KIAA1217: variants seen among roughly 807,000 people sequenced by gnomAD.
KIAA1217 encodes KIAA1217.
Under a neutral mutation model 163.9 loss-of-function variants are expected in KIAA1217, and 88 were observed. The ratio of observed to expected loss-of-function variants is 0.54; its 90% CI spans 0.45 to 0.64. KIAA1217 has a LOEUF of 0.64. Ranked by LOEUF, KIAA1217 falls within the 30% of genes least tolerant of loss-of-function variation. KIAA1217 has a pLI of 0.00. For missense variants in KIAA1217, 2,372 were observed against 2,475.0 expected, an observed-to-expected ratio of 0.96 and a Z score of 0.88; for synonymous variants, 903 against 923.1, an observed-to-expected ratio of 0.98 and a Z score of 0.39.
intron 2 of KIAA1217, among the ~76,000 whole-genome samples, chr10:24,229,465 C>CTAA (rs2071063562): frequency 6.6e-6 from 1 of 152,130 alleles, no homozygotes; most frequent in African/African-American, 2.4e-5. Context: ...GTTGTGTGAA[C>CTAA]TAATGACTGA....
intron 2 of KIAA1217, among the ~76,000 whole-genome samples, chr10:24,067,525 C>T (rs960909447): frequency 6.6e-6 from 1 of 152,158 alleles, no homozygotes; most frequent in Non-Finnish European, 1.5e-5. Flanking sequence ...GAGGAGTACC[C>T]GGCCATGGGA....
intron 3 of KIAA1217, among the ~76,000 whole-genome samples, chr10:24,417,486 A>G (rs116194863): frequency 9.7e-4 from 148 of 152,322 alleles, no homozygotes; most frequent in African/African-American, 3.3e-3. Flanking sequence ...GCAAAGACCA[A>G]TCATTCACAG....
intron 2 of KIAA1217, among the ~76,000 whole-genome samples, chr10:24,355,328 G>A (rs534361142): frequency 2.4e-4 from 36 of 152,296 alleles, no homozygotes; most frequent in African/African-American, 8.7e-4. Context: ...CATCGACTTG[G>A]GGGCTTAAAT....
intron 2 of KIAA1217, among the ~76,000 whole-genome samples, chr10:24,244,324 G>T (rs2073490322): frequency 6.6e-6 from 1 of 152,284 alleles, no homozygotes; most frequent in Non-Finnish European, 1.5e-5. Context: ...GCTCTTTACA[G>T]CTGAGGCCCT....
intron 1 of KIAA1217, among the ~76,000 whole-genome samples, chr10:23,976,193 C>T (rs1258686416): frequency 3.3e-5 from 5 of 152,124 alleles, no homozygotes; most frequent in Non-Finnish European, 5.9e-5. Flanking sequence ...GATGAAGAAT[C>T]GAGTTGCATC....
intron 6 of KIAA1217, among the ~76,000 whole-genome samples, chr10:24,483,722 T>G (rs984302630): frequency 6.6e-6 from 1 of 152,192 alleles, no homozygotes; most frequent in Non-Finnish European, 1.5e-5. Flanking sequence ...CGTGTTCAGC[T>G]GGCCCATAAC....
chr10:24,291,766 G>GA (rs74948505), intron 2 of KIAA1217, among the ~76,000 whole-genome samples: 26 of 148,972 alleles, frequency 1.7e-4, no homozygotes, highest in Non-Finnish European at 3.0e-4. Flanking sequence ...CCGATGTGGA[G>GA]AAAAAAAAAA....
chr10:23,750,272 T>A lies in KIAA1217; in HGVS notation c.-321+55038T>A, dbSNP rs148420249. On this transcript the variant is annotated intron_variant, in intron 1 of 18. Coordinates refer to the KIAA1217 transcript ENST00000376462. ...GCATTGCCCTTAATAAAAGTCTAAA[T>A]GTTTTGTCATGGAATATGCAACCCT... Among the ~76,000 whole-genome samples the A allele has an allele frequency of 2.2e-4, 34 of 152,332 alleles. No individual in the cohort carries two copies. In the East Asian group the frequency reaches 4.6e-3, roughly 21 times the overall value.
chr10:24,245,703 C>G (rs1406091274), intron 2 of KIAA1217, among the ~76,000 whole-genome samples: 1 of 152,098 alleles, frequency 6.6e-6, no homozygotes, highest in African/African-American at 2.4e-5. Context: ...ACAATCATGT[C>G]TCACTGCAGC....
intron 5 of KIAA1217, among the ~76,000 whole-genome samples, chr10:24,441,222 C>A (rs2060473997): frequency 6.6e-6 from 1 of 152,162 alleles, no homozygotes; most frequent in Admixed American, 6.5e-5. Flanking sequence ...TGCAGTCCTG[C>A]CCCTGATGTC....
intron 1 of KIAA1217, among the ~76,000 whole-genome samples, chr10:23,793,683 A>C (rs1191426641): frequency 6.6e-6 from 1 of 152,224 alleles, no homozygotes; most frequent in Admixed American, 6.5e-5. Context: ...ATGTCCACAC[A>C]GAAGTTCGCC....
At chr10:24,347,906 A>G (rs2047990102) in intron 2 of KIAA1217, among the ~76,000 whole-genome samples, 2 of 152,242 alleles carry the variant, frequency 1.3e-5, no homozygotes, top group African/African-American at 4.8e-5. Context: ...CCATCACCAC[A>G]CATGGTTACC....
At chr10:24,347,020 A>G (rs1400782492) in intron 2 of KIAA1217, among the ~76,000 whole-genome samples, 1 of 152,192 alleles carries the variant, frequency 6.6e-6, no homozygotes, top group Non-Finnish European at 1.5e-5. Context: ...AGTGAGTGTT[A>G]AGGTATATAA....
chr10:24,464,133 A>G (rs2062702928), intron 5 of KIAA1217, among the ~76,000 whole-genome samples: 1 of 152,170 alleles, frequency 6.6e-6, no homozygotes, highest in African/African-American at 2.4e-5. Flanking sequence ...CTGGTTCATT[A>G]GCAGGTACTC....
intron 2 of KIAA1217, among the ~76,000 whole-genome samples, chr10:24,049,400 AT>A (rs563326138): frequency 1.4e-3 from 207 of 152,122 alleles, no homozygotes; most frequent in African/African-American, 4.9e-3. Flanking sequence ...TTTTAACTCT[AT>A]TTATTTATTT....
intron 1 of KIAA1217, among the ~76,000 whole-genome samples, chr10:24,002,346 G>T (rs918610320): frequency 6.6e-6 from 1 of 152,072 alleles, no homozygotes; most frequent in Non-Finnish European, 1.5e-5. Flanking sequence ...GCTGGGCCTG[G>T]GTCAGCTCCA....
In KIAA1217 at chr10:24,546,256, A is replaced by G. The variant is rs1250726713; in HGVS notation, c.5764A>G (p.Thr1922Ala). The G allele has an allele frequency of 1.2e-6, 2 of 1,613,968 alleles. No homozygotes were observed. The highest frequency in any genetic ancestry group is 3.3e-5 in the Admixed American group (2 of 59,974). Residue 1922 changes from threonine to alanine, a missense_variant, in exon 21 of 21, where the codon ACC (threonine) becomes GCC (alanine). Thr to Ala is a moderately conservative substitution (Grantham distance 58). This residue lies in a region of KIAA1217 where 690 missense variants were observed against 677.5 expected (regional missense o/e 1.02). Transcript: ENST00000376454. ...CAGGACCATCCATACTCCCAGCCTC[A>G]CCAGCTACAAGGCACAGAATGGAAG... ...GTRTIHTPSL[T>A]SYKAQNGSSS... is the part of the protein sequence containing the mutation.
intron 1 of KIAA1217, among the ~76,000 whole-genome samples, chr10:23,818,014 C>CACATATAT (rs1564447988): frequency 1.9e-5 from 2 of 107,418 alleles, no homozygotes; most frequent in African/African-American, 8.1e-5. Context: ...TATATACACA[C>CACATATAT]ATATATATAC....
chr10:23,994,146 G>A (rs2366596), intron 1 of KIAA1217, among the ~76,000 whole-genome samples: 14,955 of 152,204 alleles, frequency 0.098, 1,690 homozygotes, highest in African/African-American at 0.28. Flanking sequence ...GGTCATGACT[G>A]TGCTGTGTTC....
Sources: gnomAD v4.1 joint callset for allele counts (sites outside exome capture counted in the v4.1 genomes callset) on GRCh38, gnomAD v4.1.1 for gene constraint, gnomAD v4.1.1 regional missense constraint, MANE v1.5 for transcripts, NCBI Gene and HGNC (gene_info 2026-07-23, HGNC 2026-07-21) for gene names.